Variants in DCHS2 observed in about 807,000 individuals in gnomAD.
The protein encoded by DCHS2 is dachsous cadherin-related 2.
Under a neutral mutation model 182.4 loss-of-function variants are expected in DCHS2, and 142 were observed. The ratio of observed to expected loss-of-function variants is 0.78; its 90% confidence interval spans 0.68 to 0.89. The LOEUF is 0.89. Ranked by LOEUF, DCHS2 falls within the 40% of genes least tolerant of loss-of-function variation. DCHS2 has a pLI of 0.00. For synonymous variants in DCHS2, 1,740 were observed against 1,663.3 expected (o/e 1.05, Z -1.12); for missense variants, 4,319 against 4,198.6 (o/e 1.03, Z -0.79).
chr4:154,302,046 T>A (rs1735210668), intron 12 of DCHS2, among the ~76,000 whole-genome samples: 1 of 152,214 alleles, frequency 6.6e-6, no homozygotes. Flanking sequence ...AGTCTTAAAT[T>A]TATCCACATA....
chr4:154,325,388 T>C (rs1402594511), intron 7 of DCHS2, among the ~76,000 whole-genome samples: 2 of 150,718 alleles, frequency 1.3e-5, no homozygotes, highest in Non-Finnish European at 2.9e-5. Flanking sequence ...TCATTGTCCT[T>C]CACAGGTACA....
chr4:154,341,760 C>T (rs574399425), intron 3 of DCHS2, among the ~76,000 whole-genome samples: 1 of 152,276 alleles, frequency 6.6e-6, no homozygotes, highest in Non-Finnish European at 1.5e-5. Context: ...AGAAGCTCCA[C>T]TGTTTTCTGT....
rs1470373980 is a variant in DCHS2 at position 154,491,214 on chromosome 4, G to A, written c.142C>T (p.Leu48Phe). The change falls in exon 1 of 20, where the codon CTC becomes TTC. Residue 48 changes from leucine (L) to phenylalanine (F), a missense_variant. Leu to Phe is a conservative substitution (Grantham distance 22). Coordinates refer to ENST00000357232, the MANE Select transcript of DCHS2 (RefSeq NM_001358235.2). ...AGCCACACGTGCACCAAGAGCCAGA[G>A]CAGGGAGCGCTGCGTCCTGGCGCCG... Reference protein sequence around the residue: ...SSGARTQRSLLWLLVHVWLWA... With the variant: ...SSGARTQRSLFWLLVHVWLWA... 3 of 1,551,432 alleles carry A rather than the reference G, an allele frequency of 1.9e-6. No homozygotes were observed. The highest frequency in any genetic ancestry group is 3.9e-5 in the Admixed American group (2 of 51,002).
rs1731218320 is a variant in DCHS2 at position 154,231,846 on chromosome 4, TA to T, written c.*2689del. On this transcript the variant is annotated 3_prime_UTR_variant, in exon 20 of 20. Transcript: ENST00000357232. ...ATGTAGAGTGCATTTTAATAATTTTTAAAAGAGTTAAATGATCAAATCCCTA... is the reference window on the plus strand; with the variant it reads ...ATGTAGAGTGCATTTTAATAATTTTTAAAGAGTTAAATGATCAAATCCCTA... 1 of 152,118 alleles carries T rather than the reference TA, an allele frequency of 6.6e-6. No homozygotes were observed. The highest frequency in any genetic ancestry group is 1.5e-5 in the Non-Finnish European group (1 of 67,994). The allele number at this position is 152,118 out of a possible 1,614,324, so 9.4% of individuals were successfully genotyped here. A position where few individuals can be genotyped will look rare whatever the true frequency, so the allele number is the denominator to read the frequency against.
chr4:154,281,452 T>C (rs1009296072), intron 13 of DCHS2, among the ~76,000 whole-genome samples: 3 of 152,066 alleles, frequency 2.0e-5, no homozygotes, highest in Non-Finnish European at 4.4e-5. Context: ...CAAAATAAAA[T>C]ACTTAAGAAT....
chr4:154,405,232 C>T (rs1732351296), intron 1 of DCHS2, among the ~76,000 whole-genome samples: 1 of 152,054 alleles, frequency 6.6e-6, no homozygotes, highest in Non-Finnish European at 1.5e-5. Context: ...TCCTGGGCAA[C>T]AGAGCAAAAC....
intron 1 of DCHS2, among the ~76,000 whole-genome samples, chr4:154,421,012 A>G (rs559877140): frequency 3.3e-5 from 5 of 152,022 alleles, no homozygotes; most frequent in African/African-American, 1.2e-4. Context: ...CCATCATTGG[A>G]AAAAAAAGGC....
intron 1 of DCHS2, among the ~76,000 whole-genome samples, chr4:154,452,760 TA>T (rs1253613334): frequency 2.0e-5 from 3 of 152,126 alleles, no homozygotes; most frequent in African/African-American, 7.2e-5. Context: ...AGGATCTACA[TA>T]AGTGTTCCAG....
intron 5 of DCHS2, among the ~76,000 whole-genome samples, chr4:154,332,220 G>A (rs1233998602): frequency 1.3e-5 from 2 of 152,042 alleles, no homozygotes; most frequent in Non-Finnish European, 2.9e-5. Flanking sequence ...TGTGATGCAG[G>A]GAAAGTATGA....
intron 1 of DCHS2, among the ~76,000 whole-genome samples, chr4:154,422,643 G>A (rs561434784): frequency 5.2e-4 from 79 of 152,158 alleles, no homozygotes; most frequent in Non-Finnish European, 5.3e-4. Flanking sequence ...GTAATCTTCT[G>A]TTGTTTTAGC....
intron 1 of DCHS2, among the ~76,000 whole-genome samples, chr4:154,474,766 G>C (rs576002532): frequency 3.9e-4 from 59 of 152,246 alleles, no homozygotes; most frequent in African/African-American, 1.3e-3. Context: ...ATGAAATAAG[G>C]ATAAGAGCAA....
At chr4:154,239,094 A>G (rs1046294068) in intron 19 of DCHS2, 76 bp downstream of exon 19, 10 of 1,532,674 alleles carry the variant, frequency 6.5e-6, no homozygotes, top group African/African-American at 1.4e-5. Flanking sequence ...TTATAGAGGC[A>G]TTTAGAAAGG....
At chr4:154,434,274 T>G (rs1308010529) in intron 1 of DCHS2, among the ~76,000 whole-genome samples, 1 of 152,074 alleles carries the variant, frequency 6.6e-6, no homozygotes, top group Non-Finnish European at 1.5e-5. Flanking sequence ...TTTAAAAATA[T>G]AGCCAAGCAT....
rs1445230397 is a variant in DCHS2, at chr4:154,410,259, T to C, written c.2053-32815A>G. On this transcript the variant is annotated intron_variant, in intron 1 of 19. Transcript: ENST00000357232. Reference sequence around the variant, plus strand: ...CATACAAGAGAATACAGATAGAAAATTCAATAAAATCAAGAAAAAAATTGA... The same window carrying C: ...CATACAAGAGAATACAGATAGAAAACTCAATAAAATCAAGAAAAAAATTGA... Among the ~76,000 whole-genome samples the C allele has an allele frequency of 4.0e-5, 6 of 151,004 alleles. No individual in the cohort carries two copies. In the East Asian group the frequency reaches 1.2e-3, roughly 29 times the overall value.
At chr4:154,248,787 G>A (rs922962123) in intron 16 of DCHS2, among the ~76,000 whole-genome samples, 10 of 152,076 alleles carry the variant, frequency 6.6e-5, no homozygotes, top group East Asian at 1.9e-4. Context: ...AACCACACAC[G>A]TACAACCATT....
chr4:154,420,279 A>C (rs1733056278), intron 1 of DCHS2, among the ~76,000 whole-genome samples: 1 of 152,078 alleles, frequency 6.6e-6, no homozygotes, highest in Non-Finnish European at 1.5e-5. Context: ...ATAGATAGAT[A>C]GATAGATAGA....
chr4:154,299,940 C>T (rs1735131221), intron 12 of DCHS2, among the ~76,000 whole-genome samples: 1 of 152,122 alleles, frequency 6.6e-6, no homozygotes. Context: ...TGCTATTTCT[C>T]TGAGAAGTAC....
rs929594461 is a variant in DCHS2, at chr4:154,489,806, G to A, written c.1550C>T (p.Pro517Leu). 6.4e-7 allele frequency: 1 copy of A among 1,551,424 alleles called. No homozygotes were observed. The highest frequency in any genetic ancestry group is 1.4e-5 in the African/African-American group (1 of 73,034). The change falls in exon 1 of 20, where the codon CCG becomes CTG. Residue 517 changes from proline to leucine, a missense_variant. By Grantham distance (98) the Pro-to-Leu change is moderately conservative. Transcript: ENST00000357232. ...LLLVATDAGS[P>L]PLSTEETLLL... ...CAGCGTCTCCTCCGTGCTCAGCGGC[G>A]GGGACCCCGCGTCCGTGGCCACCAG...
intron 16 of DCHS2, among the ~76,000 whole-genome samples, chr4:154,250,061 G>T (rs1480953049): frequency 1.3e-5 from 2 of 152,068 alleles, no homozygotes; most frequent in Middle Eastern, 3.2e-3. Context: ...GGATTGCATA[G>T]GTAATATGCA....
Sources: allele counts gnomAD v4.1 joint callset (sites outside exome capture counted in the v4.1 genomes callset), GRCh38; gene constraint gnomAD v4.1.1; transcripts MANE v1.5; gene names NCBI Gene and HGNC (gene_info 2026-07-23, HGNC 2026-07-21).